Variants in UBE2E2 observed in about 807,000 individuals in gnomAD.
UBE2E2 encodes the protein ubiquitin conjugating enzyme E2 E2, also known as ubiquitin-conjugating enzyme E2 E2.
Under a neutral mutation model 24.7 loss-of-function variants are expected in UBE2E2, and 6 were observed. The observed-to-expected ratio is 0.24, with a 90% confidence interval of 0.13 to 0.48. The LOEUF is 0.48. Ranked by LOEUF, UBE2E2 falls within the 20% of genes least tolerant of loss-of-function variation. UBE2E2 has a pLI of 0.99. For missense variants in UBE2E2, 169 were observed against 245.0 expected (o/e 0.69, Z 2.07); for synonymous variants, 104 against 83.6 (o/e 1.24, Z -1.33).
intron 2 of UBE2E2, among the ~76,000 whole-genome samples, chr3:23,213,460 C>T (rs976491736): frequency 3.3e-5 from 5 of 151,910 alleles, no homozygotes; most frequent in African/African-American, 1.2e-4. Flanking sequence ...TTATTGTAGT[C>T]TTATCATTCA....
At chr3:23,219,775 A>T (rs13081371) in intron 3 of UBE2E2, among the ~76,000 whole-genome samples, 88,911 of 151,976 alleles carry the variant, frequency 0.59, 26,445 homozygotes, top group South Asian at 0.68. Flanking sequence ...TTAGTCTGCT[A>T]TCACATGTAA....
intron 5 of UBE2E2, among the ~76,000 whole-genome samples, chr3:23,540,045 T>G (rs752357614): frequency 1.3e-5 from 2 of 151,998 alleles, no homozygotes; most frequent in Non-Finnish European, 2.9e-5. Context: ...GTTTAGGAAT[T>G]AGGGTTTTTT....
chr3:23,226,972 C>CAAAAAAAA (rs920959203), intron 3 of UBE2E2, among the ~76,000 whole-genome samples: 1 of 81,712 alleles, frequency 1.2e-5, no homozygotes, highest in Non-Finnish European at 2.6e-5. Context: ...CCATGAAGAC[C>CAAAAAAAA]AAAAAAAAAA....
At chr3:23,462,333 T>C (rs1244142119) in intron 3 of UBE2E2, among the ~76,000 whole-genome samples, 2 of 152,196 alleles carry the variant, frequency 1.3e-5, no homozygotes, top group Non-Finnish European at 2.9e-5. Context: ...TTGAGGAGTT[T>C]TGAAATGTTA....
chr3:23,385,132 T>G (rs1575598323), intron 3 of UBE2E2, among the ~76,000 whole-genome samples: 2 of 152,202 alleles, frequency 1.3e-5, no homozygotes, highest in Admixed American at 1.3e-4. Context: ...GTTAACTGCT[T>G]TAAAGAAATA....
At chr3:23,306,491 C>G (rs1699239940) in intron 3 of UBE2E2, among the ~76,000 whole-genome samples, 1 of 152,144 alleles carries the variant, frequency 6.6e-6, no homozygotes, top group African/African-American at 2.4e-5. Context: ...CGAGTTGTAT[C>G]TATCAAAGAC....
intron 3 of UBE2E2, among the ~76,000 whole-genome samples, chr3:23,340,140 C>T (rs752618638): frequency 6.6e-6 from 1 of 152,028 alleles, no homozygotes; most frequent in Non-Finnish European, 1.5e-5. Flanking sequence ...GTATGTCAGG[C>T]TCCAGATTTT....
Position 23,273,367 on chromosome 3 carries a change from A to C in UBE2E2, c.227+56055A>C, listed in dbSNP as rs532119598. On this transcript the variant is annotated intron_variant, in intron 3 of 5. Transcript: ENST00000396703. The stretch of plus-strand genomic sequence containing the variant: ...ATGGTGAAACCCCGTCTCTACTAAA[A>C]ATACAAAAAAAAAATTAGCCGGGCG... 3.0e-4 allele frequency among the ~76,000 whole-genome samples: 45 copies of C among 152,242 alleles called. No individual in the cohort carries two copies. In the East Asian group the frequency reaches 8.3e-3, roughly 28 times the overall value.
chr3:23,221,481 C>G (rs569056116), intron 3 of UBE2E2, among the ~76,000 whole-genome samples: 1 of 152,122 alleles, frequency 6.6e-6, no homozygotes, highest in Non-Finnish European at 1.5e-5. Flanking sequence ...CACCAGCCCT[C>G]GGCAGCAATT....
chr3:23,294,048 A>G (rs1698840524), intron 3 of UBE2E2, among the ~76,000 whole-genome samples: 1 of 152,248 alleles, frequency 6.6e-6, no homozygotes, highest in African/African-American at 2.4e-5. Context: ...GCTCCTAACT[A>G]TAAAAAAGAA....
chr3:23,399,141 A>G (rs1697151438), intron 3 of UBE2E2, among the ~76,000 whole-genome samples: 1 of 152,164 alleles, frequency 6.6e-6, no homozygotes, highest in South Asian at 2.1e-4. Context: ...ATAATTTCAT[A>G]GATAGAACAT....
chr3:23,337,372 C>G (rs1317813585), intron 3 of UBE2E2, among the ~76,000 whole-genome samples: 1 of 151,982 alleles, frequency 6.6e-6, no homozygotes, highest in Non-Finnish European at 1.5e-5. Context: ...CTAATTCGGC[C>G]CTGTTTCTGT....
At chr3:23,214,492 C>G (rs1259322696) in intron 2 of UBE2E2, among the ~76,000 whole-genome samples, 1 of 150,086 alleles carries the variant, frequency 6.7e-6, no homozygotes. Context: ...CTCAAGTGAT[C>G]CTCCTGCGTC....
At chr3:23,363,791 C>T (rs189096507) in intron 3 of UBE2E2, among the ~76,000 whole-genome samples, 3 of 152,078 alleles carry the variant, frequency 2.0e-5, no homozygotes, top group East Asian at 1.9e-4. Context: ...TTTGACCAAA[C>T]GGGCCTAGTA....
intron 4 of UBE2E2, among the ~76,000 whole-genome samples, chr3:23,517,475 A>T (rs528979373): frequency 8.7e-4 from 132 of 152,268 alleles, no homozygotes; most frequent in African/African-American, 2.9e-3. Flanking sequence ...GAAGCTCTCG[A>T]TCAATTGTCA....
At chr3:23,251,324 G>T (rs966075774) in intron 3 of UBE2E2, among the ~76,000 whole-genome samples, 1 of 152,154 alleles carries the variant, frequency 6.6e-6, no homozygotes, top group East Asian at 1.9e-4. Flanking sequence ...ATGAAGAACC[G>T]TTATTCTCTG....
chr3:23,218,942 C>A (rs371584739), intron 3 of UBE2E2, among the ~76,000 whole-genome samples: 4 of 152,260 alleles, frequency 2.6e-5, no homozygotes, highest in South Asian at 2.1e-4. Context: ...ATTACTAGTT[C>A]ATATGTAAGC....
intron 5 of UBE2E2, among the ~76,000 whole-genome samples, chr3:23,567,285 TGGCTGA>T (rs2125509054): frequency 6.6e-6 from 1 of 152,296 alleles, no homozygotes; most frequent in East Asian, 1.9e-4. Flanking sequence ...CCCACTTACT[TGGCTGA>T]GGCAGGGGTA....
chr3:23,379,509 C>A (rs1276324612), intron 3 of UBE2E2, among the ~76,000 whole-genome samples: 1 of 148,286 alleles, frequency 6.7e-6, no homozygotes, highest in Non-Finnish European at 1.5e-5. Context: ...GTTTTTTGTT[C>A]TTGCGATAGT....
Sources: gnomAD v4.1 joint callset for allele counts (sites outside exome capture counted in the v4.1 genomes callset) on GRCh38, gnomAD v4.1.1 for gene constraint, MANE v1.5 for transcripts, NCBI Gene and HGNC (gene_info 2026-07-23, HGNC 2026-07-21) for gene names.